The following PATJ variants were observed in gnomAD, a reference collection of about 807,000 sequenced individuals.
PATJ encodes the protein inaD-like protein.
In PATJ, 190 loss-of-function variants were observed where a neutral mutation model predicts 224.9. That is an observed-to-expected ratio of 0.84 (90% CI 0.75 to 0.95). The LOEUF (loss-of-function observed/expected upper bound fraction) is 0.95, where lower values mean the gene tolerates loss of function less well. Ranked by LOEUF, PATJ falls within the 40% of genes least tolerant of loss-of-function variation. The pLI, the probability that PATJ is intolerant of heterozygous loss-of-function variation, is 0.00. For synonymous variants in PATJ, 769 were observed against 820.3 expected (o/e 0.94, Z 1.07); for missense variants, 2,121 against 2,270.3 (o/e 0.93, Z 1.34).
At chr1:61,801,208 T>C (rs1652421097) in intron 11 of PATJ, among the ~76,000 whole-genome samples, 2 of 152,140 alleles carry the variant, frequency 1.3e-5, no homozygotes, top group African/African-American at 4.8e-5. Flanking sequence ...AGTGTAAAAG[T>C]GTTCCTATTT....
chr1:61,758,444 G>A (rs923418287), intron 1 of PATJ, among the ~76,000 whole-genome samples: 3 of 152,192 alleles, frequency 2.0e-5, no homozygotes, highest in Admixed American at 1.3e-4. Flanking sequence ...CGCCTCCTGG[G>A]TTCAAGCGAT....
intron 33 of PATJ, among the ~76,000 whole-genome samples, chr1:62,100,684 A>C (rs1662042931): frequency 6.6e-6 from 1 of 152,190 alleles, no homozygotes; most frequent in African/African-American, 2.4e-5. Context: ...ACCTCTATCT[A>C]TCTCCAACCA....
At chr1:61,756,289 A>G (rs749461982) in intron 1 of PATJ, among the ~76,000 whole-genome samples, 2 of 152,070 alleles carry the variant, frequency 1.3e-5, no homozygotes, top group Non-Finnish European at 2.9e-5. Context: ...ATTAAAAGCT[A>G]GTTATTGTTT....
At chr1:62,082,733 C>T (rs1389704257) in intron 32 of PATJ, among the ~76,000 whole-genome samples, 1 of 152,074 alleles carries the variant, frequency 6.6e-6, no homozygotes, top group African/African-American at 2.4e-5. Flanking sequence ...TTTATAGACA[C>T]TGAGATTTAG....
At chr1:61,823,402 G>A (rs1287312863) in intron 15 of PATJ, among the ~76,000 whole-genome samples, 1 of 152,170 alleles carries the variant, frequency 6.6e-6, no homozygotes. Flanking sequence ...TTATTTGCAG[G>A]TTTTATTGAT....
At chr1:62,061,371 G>T (rs192602958) in intron 31 of PATJ, among the ~76,000 whole-genome samples, 2 of 149,726 alleles carry the variant, frequency 1.3e-5, no homozygotes, top group Non-Finnish European at 3.0e-5. Context: ...TAGTGAAGAC[G>T]GGGTTTTGCC....
chr1:62,017,547 T>C (rs1053694926), intron 28 of PATJ, among the ~76,000 whole-genome samples: 2 of 151,540 alleles, frequency 1.3e-5, no homozygotes, highest in Admixed American at 6.6e-5. Flanking sequence ...CTAGCCAATA[T>C]GGTGAAACCT....
At chr1:61,899,434 G>T in intron 22 of PATJ, 149 bp from the exon 23 acceptor site, 1 of 458,786 alleles carries the variant, frequency 2.2e-6, no homozygotes, top group Non-Finnish European at 3.9e-6. Flanking sequence ...TTTTTGCTTT[G>T]CATATTTATT....
intron 22 of PATJ, among the ~76,000 whole-genome samples, 172 bp downstream of exon 22, chr1:61,884,580 A>C (rs1668568264): frequency 6.6e-6 from 1 of 151,626 alleles, no homozygotes; most frequent in Non-Finnish European, 1.5e-5. Flanking sequence ...ATATACTTAA[A>C]ATTTTGCCAT....
chr1:62,005,415 T>G (rs1646029005), intron 28 of PATJ, among the ~76,000 whole-genome samples: 1 of 133,984 alleles, frequency 7.5e-6, no homozygotes, highest in African/African-American at 3.2e-5. Context: ...CAATATGATG[T>G]GGTTTTTTTT....
At chr1:61,963,712 G>C (rs919714890) in intron 27 of PATJ, among the ~76,000 whole-genome samples, 1 of 152,140 alleles carries the variant, frequency 6.6e-6, no homozygotes, top group Non-Finnish European at 1.5e-5. Flanking sequence ...CTGAGGAGGA[G>C]GAAGAGGCAG....
chr1:62,013,681 G>A (rs1646587964), intron 28 of PATJ, among the ~76,000 whole-genome samples: 1 of 152,218 alleles, frequency 6.6e-6, no homozygotes, highest in Admixed American at 6.5e-5. Context: ...TTTAGAAAAA[G>A]CTTCTGGAAG....
intron 27 of PATJ, among the ~76,000 whole-genome samples, chr1:61,968,681 G>T (rs1406168236): frequency 6.6e-6 from 1 of 151,882 alleles, no homozygotes; most frequent in East Asian, 1.9e-4. Flanking sequence ...CTTACATTAG[G>T]TATGTCTCCT....
intron 14 of PATJ, among the ~76,000 whole-genome samples, chr1:61,812,202 T>C (rs1654913771): frequency 6.6e-6 from 1 of 152,152 alleles, no homozygotes; most frequent in South Asian, 2.1e-4. Context: ...TGTCATTCGA[T>C]GTTTTGTCTT....
chr1:62,038,911 A>G (rs972751988), intron 30 of PATJ: 1 of 952,710 alleles, frequency 1.0e-6, no homozygotes, highest in Non-Finnish European at 1.7e-6. Flanking sequence ...AGTCCTGTGC[A>G]CAGATTCACT....
intron 30 of PATJ, among the ~76,000 whole-genome samples, chr1:62,049,178 A>G (rs145001060): frequency 0.012 from 1,788 of 151,454 alleles, 17 homozygotes; most frequent in Middle Eastern, 0.048. Context: ...CTGTAATCAA[A>G]CAGTATAGAA....
At chr1:62,160,137 T>G (rs1669706245) in intron 43 of PATJ, among the ~76,000 whole-genome samples, 1 of 152,078 alleles carries the variant, frequency 6.6e-6, no homozygotes, top group South Asian at 2.1e-4. Context: ...TGTAAATCAT[T>G]TTTTAAGGTC....
intron 26 of PATJ, among the ~76,000 whole-genome samples, chr1:61,917,714 G>T (rs1040765054): frequency 1.3e-5 from 2 of 151,968 alleles, no homozygotes; most frequent in African/African-American, 4.8e-5. Context: ...TAAAATGATC[G>T]GTAGGAGCAT....
intron 26 of PATJ, among the ~76,000 whole-genome samples, chr1:61,918,456 C>T (rs778341251): frequency 2.0e-5 from 3 of 151,436 alleles, no homozygotes; most frequent in South Asian, 2.1e-4. Flanking sequence ...TACAGGCATG[C>T]GCCACCATGC....
Sources: allele counts gnomAD v4.1 joint callset (sites outside exome capture counted in the v4.1 genomes callset), GRCh38; gene constraint gnomAD v4.1.1; transcripts MANE v1.5; gene names NCBI Gene and HGNC (gene_info 2026-07-23, HGNC 2026-07-21).